PRTG: variants seen among roughly 807,000 people sequenced by gnomAD.
PRTG encodes the protein immunoglobulin superfamily, DCC subclass, member 5.
Under a neutral mutation model 122.5 loss-of-function variants are expected in PRTG, and 67 were observed. The observed-to-expected ratio is 0.55, with a 90% CI of 0.45 to 0.67. PRTG has a LOEUF of 0.67. Among genes scored for constraint, PRTG ranks in the 30% least tolerant of loss-of-function variants. PRTG has a pLI of 0.00. For synonymous variants in PRTG, 554 were observed against 501.1 expected, an observed-to-expected ratio of 1.11 and a Z score of -1.41; for missense variants, 1,435 against 1,415.4, an observed-to-expected ratio of 1.01 and a Z score of -0.22.
chr15:55,691,582 G>A (rs1053606384), intron 2 of PRTG, among the ~76,000 whole-genome samples: 6 of 151,500 alleles, frequency 4.0e-5, no homozygotes, highest in Non-Finnish European at 7.4e-5. Context: ...TCAGGAGGCT[G>A]AGGCAGAAGA....
At chr15:55,702,475 T>C (rs1326680262) in intron 2 of PRTG, among the ~76,000 whole-genome samples, 1 of 152,192 alleles carries the variant, frequency 6.6e-6, no homozygotes, top group Non-Finnish European at 1.5e-5. Flanking sequence ...CTAGAGTATG[T>C]ATGGATTCAA....
intron 2 of PRTG, among the ~76,000 whole-genome samples, chr15:55,722,014 C>A (rs146833601): frequency 6.6e-6 from 1 of 152,190 alleles, no homozygotes; most frequent in African/African-American, 2.4e-5. Context: ...CACTCCCTAA[C>A]TGCCCCTTCC....
At chr15:55,659,674 C>T (rs189236847) in intron 11 of PRTG, among the ~76,000 whole-genome samples, 17 of 152,244 alleles carry the variant, frequency 1.1e-4, no homozygotes, top group Admixed American at 2.6e-4. Flanking sequence ...GCCTGTAATC[C>T]TAGCACTTTG....
chr15:55,726,412 T>C (rs933817872), intron 2 of PRTG, among the ~76,000 whole-genome samples: 4 of 151,982 alleles, frequency 2.6e-5, no homozygotes, highest in African/African-American at 4.8e-5. Context: ...CGCAAATAGA[T>C]AGAATGGAAA....
chr15:55,664,872 C>A (rs1025307851), intron 11 of PRTG, among the ~76,000 whole-genome samples: 2 of 152,054 alleles, frequency 1.3e-5, no homozygotes, highest in Admixed American at 6.6e-5. Flanking sequence ...TACGTGTGAG[C>A]CACTGCACCT....
chr15:55,629,425 GTGTGTGTGTGTAA>G (rs1206032608), intron 15 of PRTG, among the ~76,000 whole-genome samples: 23 of 141,196 alleles, frequency 1.6e-4, no homozygotes, highest in African/African-American at 6.2e-4. Flanking sequence ...GTGTGTGTGT[GTGTGTGTGTGTAA>G]TGTTTTACTC....
Position 55,624,516 on chromosome 15 carries a change from T to C in PRTG, c.2928-9A>G, listed in dbSNP as rs1272346195. ...TGGAAGCAGATGATTTCCTAAAACATTGGCAAGAAGAGGAAGTCTTCTAAT... is the reference window on the plus strand; with the variant it reads ...TGGAAGCAGATGATTTCCTAAAACACTGGCAAGAAGAGGAAGTCTTCTAAT... On this transcript the variant is annotated splice_polypyrimidine_tract_variant and intron_variant, in intron 17 of 19. Coordinates refer to ENST00000389286, the MANE Select transcript of PRTG (RefSeq NM_173814.6). The C allele has an allele frequency of 1.9e-6, 3 of 1,606,428 alleles. No individual in the cohort carries two copies. The highest frequency in any genetic ancestry group is 4.5e-5 in the East Asian group (2 of 44,696).
intron 2 of PRTG, among the ~76,000 whole-genome samples, chr15:55,694,172 C>T (rs2059619910): frequency 1.3e-5 from 2 of 152,116 alleles, no homozygotes; most frequent in Admixed American, 1.3e-4. Context: ...AAGTTCAGAT[C>T]TCCAGTGGCA....
intron 11 of PRTG, among the ~76,000 whole-genome samples, chr15:55,642,597 CAAA>C (rs10708251): frequency 5.3e-5 from 5 of 95,178 alleles, no homozygotes; most frequent in Admixed American, 1.1e-4. Context: ...AACTCCATCT[CAAA>C]AAAAAAAAAA....
chr15:55,734,903 T>A (rs1372351024), intron 2 of PRTG, among the ~76,000 whole-genome samples: 1 of 152,228 alleles, frequency 6.6e-6, no homozygotes, highest in Non-Finnish European at 1.5e-5. Flanking sequence ...TAATTTGGTA[T>A]GTTTTCTACC....
At position 55,620,644 on chromosome 15, in the gene PRTG, T is replaced by C. The variant is rs755715095; in HGVS notation, c.3198+19A>G. The C allele has an allele frequency of 1.3e-6, 2 of 1,565,586 alleles. No homozygotes were observed. Among genetic ancestry groups the C allele is most frequent in the Non-Finnish European group, 1.7e-6 (2 of 1,164,206 alleles). On this transcript the variant is annotated intron_variant, in intron 19 of 19. Transcript: ENST00000389286. ...TATATCACGCATTGCCAAAAATTTTTCTCATTTAGATAGGTTACCTGCTCA... is the reference window on the plus strand; with the variant it reads ...TATATCACGCATTGCCAAAAATTTTCCTCATTTAGATAGGTTACCTGCTCA...
At chr15:55,693,662 G>T (rs1270701777) in intron 2 of PRTG, among the ~76,000 whole-genome samples, 1 of 152,196 alleles carries the variant, frequency 6.6e-6, no homozygotes, top group Non-Finnish European at 1.5e-5. Flanking sequence ...GTGTCCTGGA[G>T]ATGTTACTCA....
At chr15:55,621,190 A>G (rs933500251) in intron 18 of PRTG, among the ~76,000 whole-genome samples, 1 of 152,152 alleles carries the variant, frequency 6.6e-6, no homozygotes, top group Non-Finnish European at 1.5e-5. Context: ...CGTCTCTACT[A>G]AAAATACAAA....
chr15:55,724,719 T>C lies in PRTG; in HGVS notation c.397+15663A>G, dbSNP rs568061314. ...GTTGCGGTGAGCCAAGATCACACCATGGCACTCCAGCCTAGGCAACAGAGC... is the reference window on the plus strand; with the variant it reads ...GTTGCGGTGAGCCAAGATCACACCACGGCACTCCAGCCTAGGCAACAGAGC... On this transcript the variant is annotated intron_variant, in intron 2 of 19. Coordinates refer to ENST00000389286, the MANE Select transcript of PRTG (RefSeq NM_173814.6). Among the ~76,000 whole-genome samples, 32 of 152,006 alleles carry C rather than the reference T, an allele frequency of 2.1e-4. No individual in the cohort carries two copies. In the South Asian group the frequency reaches 6.4e-3, roughly 31 times the overall value.
chr15:55,733,618 G>A (rs1490426337), intron 2 of PRTG, among the ~76,000 whole-genome samples: 2 of 151,880 alleles, frequency 1.3e-5, no homozygotes, highest in African/African-American at 4.8e-5. Flanking sequence ...CTTGAGCCCA[G>A]GAGTTCAAGG....
At chr15:55,634,538 T>C (rs1027989671) in intron 15 of PRTG, among the ~76,000 whole-genome samples, 33 of 152,146 alleles carry the variant, frequency 2.2e-4, no homozygotes, top group Admixed American at 1.8e-3. Flanking sequence ...AACTAAATTA[T>C]ACATTTTAAG....
chr15:55,634,793 G>C (rs1049376325), intron 15 of PRTG, among the ~76,000 whole-genome samples: 19 of 151,606 alleles, frequency 1.3e-4, no homozygotes, highest in African/African-American at 4.6e-4. Flanking sequence ...AGTGAGCCAA[G>C]ATCCACTGTA....
chr15:55,668,612 C>T (rs942703093), intron 11 of PRTG, among the ~76,000 whole-genome samples: 1 of 152,114 alleles, frequency 6.6e-6, no homozygotes, highest in Admixed American at 6.5e-5. Flanking sequence ...CTCAAACTAC[C>T]ACTTAGAACA....
intron 2 of PRTG, among the ~76,000 whole-genome samples, chr15:55,687,689 G>A (rs1351386319): frequency 6.6e-6 from 1 of 152,192 alleles, no homozygotes; most frequent in Admixed American, 6.5e-5. Flanking sequence ...CTGGTTTTCA[G>A]AAAGGTTTGA....
Sources: gnomAD v4.1 joint callset for allele counts (sites outside exome capture counted in the v4.1 genomes callset) on GRCh38, gnomAD v4.1.1 for gene constraint, MANE v1.5 for transcripts, NCBI Gene and HGNC (gene_info 2026-07-23, HGNC 2026-07-21) for gene names.